Variants in TRIM37 observed in about 807,000 individuals in gnomAD.
TRIM37 encodes tripartite motif containing 37.
In TRIM37, 80 loss-of-function variants were observed where a neutral mutation model predicts 129.8. The observed-to-expected ratio is 0.62, with a 90% confidence interval of 0.51 to 0.74. TRIM37 has a LOEUF of 0.74. Ranked by LOEUF, TRIM37 falls within the 30% of genes least tolerant of loss-of-function variation. TRIM37 has a pLI of 0.00. For missense variants in TRIM37, 1,054 were observed against 1,176.5 expected, an observed-to-expected ratio of 0.90 and a Z score of 1.52; for synonymous variants, 389 against 387.1, an observed-to-expected ratio of 1.00 and a Z score of -0.06.
At chr17:58,969,197 C>G in the TRIM37 span, among the ~76,000 whole-genome samples, 649 of 152,260 alleles carry the variant, frequency 4.3e-3, 3 homozygotes, top group African/African-American at 0.014. Context: ...CATACCCTCC[C>G]TATCCCCCCT....
rs1461331107 is a variant in TRIM37, at chr17:59,070,850, G to A, written c.782C>T (p.Thr261Ile). 6.2e-7 allele frequency: 1 copy of A among 1,614,008 alleles called. No individual in the cohort carries two copies. The highest frequency in any genetic ancestry group is 1.1e-5 in the South Asian group (1 of 91,082). Residue 261 changes from threonine (T) to isoleucine (I), a missense_variant, in exon 9 of 24, where the codon ACC becomes ATC. Physicochemically the swap from Thr to Ile is moderately conservative, Grantham distance 89. Transcript: ENST00000262294. Reference sequence around the variant, plus strand: ...GGTAAAGTCTGGTGGAACAGGAGTGGTAACAAAAGATGCCATGGGCTTCCG... The same window carrying A: ...GGTAAAGTCTGGTGGAACAGGAGTGATAACAAAAGATGCCATGGGCTTCCG... ...VHRKPMASFV[T>I]TPVPPDFTSE...
At chr17:59,078,980 AT>A (rs1166054843) in intron 7 of TRIM37, among the ~76,000 whole-genome samples, 1 of 152,170 alleles carries the variant, frequency 6.6e-6, no homozygotes, top group Non-Finnish European at 1.5e-5. Context: ...AAAGTTAAAA[AT>A]AAAATGGATA....
chr17:59,083,589 A>C (rs1022635592), intron 5 of TRIM37, among the ~76,000 whole-genome samples: 1 of 152,144 alleles, frequency 6.6e-6, no homozygotes, highest in African/African-American at 2.4e-5. Flanking sequence ...TAATCTAAAA[A>C]ATAAAAAATA....
chr17:59,047,018 G>T (rs2146066265), intron 16 of TRIM37, among the ~76,000 whole-genome samples: 1 of 151,906 alleles, frequency 6.6e-6, no homozygotes, highest in East Asian at 2.0e-4. Flanking sequence ...GCTGGGCGAG[G>T]TGGCGGGCGC....
intron 13 of TRIM37, among the ~76,000 whole-genome samples, 159 bp downstream of exon 13, chr17:59,056,716 C>CAAAAAAAAAAACAAAA: frequency 2.6e-5 from 1 of 38,038 alleles, no homozygotes; most frequent in Non-Finnish European, 5.0e-5. Flanking sequence ...ACTATGTCTC[C>CAAAAAAAAAAACAAAA]AAAAAAAAAA....
chr17:59,085,900 A>G (rs1390998425), intron 4 of TRIM37, among the ~76,000 whole-genome samples: 2 of 152,214 alleles, frequency 1.3e-5, no homozygotes, highest in Non-Finnish European at 2.9e-5. Context: ...ATGAACCTTG[A>G]GGACATTATG....
chr17:59,104,466 C>A, intron 1 of TRIM37, 72 bp from the exon 2 acceptor site: 1 of 1,284,420 alleles, frequency 7.8e-7, no homozygotes. Flanking sequence ...AAGCTCAAAA[C>A]AACTTGACAT....
In TRIM37 at chr17:59,064,242, GAC is replaced by G. The variant is rs1411761457; in HGVS notation, c.860+111_860+112del. On this transcript the variant is annotated intron_variant, in intron 10 of 23. Coordinates refer to ENST00000262294, the MANE Select transcript of TRIM37 (RefSeq NM_015294.6). ...TCTAATAGGAAACTTATTCTTCTAAGACTTCTAAAGTGAGTGACACAGTTCAC... is the reference window on the plus strand; with the variant it reads ...TCTAATAGGAAACTTATTCTTCTAAGTTCTAAAGTGAGTGACACAGTTCAC... 1.0e-5 allele frequency: 8 copies of G among 796,060 alleles called. No individual in the cohort carries two copies. The African/African-American group carries it at 1.4e-4, about 14-fold the overall frequency. 49.3% of individuals were successfully genotyped at this position (796,060 alleles called of 1,614,324 possible).
downstream of TRIM37, chr17:58,980,983 T>C (rs758155734): frequency 1.9e-6 from 3 of 1,613,650 alleles, no homozygotes; most frequent in South Asian, 3.3e-5. This position sits in a 1 kb window ranked among gnomAD's most constrained non-coding sequence, Gnocchi z 4.7. Context: ...TCAGAAAGAC[T>C]CATGATATTC....
intron 17 of TRIM37, among the ~76,000 whole-genome samples, chr17:59,041,085 C>T (rs576847037): frequency 1.3e-5 from 2 of 152,098 alleles, no homozygotes; most frequent in African/African-American, 4.8e-5. Context: ...AGTGTTCATA[C>T]TGAGGAGAAC....
chr17:59,055,232 A>T (rs917056064), intron 13 of TRIM37, among the ~76,000 whole-genome samples: 5 of 144,338 alleles, frequency 3.5e-5, no homozygotes, highest in Middle Eastern at 7.6e-3. Context: ...TCTACTCGGG[A>T]GGCTGAGGCA....
chr17:59,101,705 C>T (rs1219735443), intron 2 of TRIM37, among the ~76,000 whole-genome samples: 5 of 138,490 alleles, frequency 3.6e-5, no homozygotes, highest in African/African-American at 1.1e-4. Flanking sequence ...TACACACACA[C>T]ACACACACAC....
intron 2 of TRIM37, among the ~76,000 whole-genome samples, chr17:59,092,572 G>A (rs1048541053): frequency 6.6e-6 from 1 of 151,938 alleles, no homozygotes; most frequent in Non-Finnish European, 1.5e-5. Flanking sequence ...CACATATAAA[G>A]GAGATGTTAA....
chr17:59,056,590 C>T (rs1208306715), intron 13 of TRIM37, among the ~76,000 whole-genome samples: 3 of 150,698 alleles, frequency 2.0e-5, no homozygotes, highest in Middle Eastern at 3.4e-3. Context: ...ATTAGCCAGG[C>T]GTGGTGGCGG....
Position 59,086,526 on chromosome 17 carries a change from A to T in TRIM37, c.281+1765T>A, listed in dbSNP as rs374944919. On this transcript the variant is annotated intron_variant, in intron 4 of 23. Transcript: ENST00000262294. The stretch of plus-strand genomic sequence containing the variant: ...AGTGCTGGGATTACAAGCATGAGCC[A>T]CTGTGCCTGGCCCACTCTTGCATTT... Among the ~76,000 whole-genome samples the T allele has an allele frequency of 1.9e-4, 29 of 152,312 alleles. No homozygotes were observed. In the East Asian group the frequency reaches 5.2e-3, roughly 27 times the overall value.
At chr17:59,062,293 G>C (rs1478639816) in intron 11 of TRIM37, among the ~76,000 whole-genome samples, 1 of 152,088 alleles carries the variant, frequency 6.6e-6, no homozygotes, top group Non-Finnish European at 1.5e-5. Context: ...AGCAATACTA[G>C]CCTTAGAATA....
At chr17:58,974,282 A>G in the TRIM37 span, among the ~76,000 whole-genome samples, 1 of 152,212 alleles carries the variant, frequency 6.6e-6, no homozygotes, top group African/African-American at 2.4e-5. Flanking sequence ...AATGACATAA[A>G]TAACAGAATA....
At chr17:59,038,147 C>G (rs1432307929) in intron 17 of TRIM37, among the ~76,000 whole-genome samples, 2 of 152,118 alleles carry the variant, frequency 1.3e-5, no homozygotes, top group African/African-American at 4.8e-5. Flanking sequence ...TTCTCTACTT[C>G]AAAGTTGTTT....
intron 19 of TRIM37, among the ~76,000 whole-genome samples, chr17:59,017,709 C>A (rs2036125004): frequency 6.6e-6 from 1 of 152,120 alleles, no homozygotes; most frequent in Admixed American, 6.5e-5. Context: ...ACTACAACCT[C>A]CACCTCCTGG....
Sources: gnomAD v4.1 joint callset for allele counts (sites outside exome capture counted in the v4.1 genomes callset) on GRCh38, gnomAD v4.1.1 for gene constraint, Gnocchi (gnomAD v3.1) non-coding constraint, MANE v1.5 for transcripts, NCBI Gene and HGNC (gene_info 2026-07-23, HGNC 2026-07-21) for gene names.